PKHD1: variants seen among roughly 807,000 people sequenced by gnomAD.
The protein encoded by PKHD1 is PKHD1 ciliary IPT domain containing fibrocystin/polyductin.
A neutral mutation model predicts 412.0 loss-of-function variants in PKHD1; 291 were observed. The observed-to-expected ratio is 0.71, with a 90% CI of 0.64 to 0.78. The LOEUF (loss-of-function observed/expected upper bound fraction) is 0.78, where lower values mean the gene tolerates loss of function less well. Ranked by LOEUF, PKHD1 falls within the 30% of genes least tolerant of loss-of-function variation. The pLI, the probability that PKHD1 is intolerant of heterozygous loss-of-function variation, is 0.00. For synonymous variants in PKHD1, 1,777 were observed against 1,821.5 expected (o/e 0.98, Z 0.62); for missense variants, 4,825 against 4,950.7 (o/e 0.97, Z 0.76).
intron 65 of PKHD1, among the ~76,000 whole-genome samples, chr6:51,630,049 CA>C (rs1281736870): frequency 6.6e-6 from 1 of 152,046 alleles, no homozygotes; most frequent in Non-Finnish European, 1.5e-5. Context: ...AGAAGATCTT[CA>C]CGACTCCGTG....
chr6:51,885,382 C>T (rs1008271402), intron 45 of PKHD1, among the ~76,000 whole-genome samples: 1 of 152,054 alleles, frequency 6.6e-6, no homozygotes, highest in African/African-American at 2.4e-5. Flanking sequence ...ACGAACAGTG[C>T]TTTTTCTTAA....
In PKHD1 at chr6:52,053,082, C is replaced by G. The variant is rs144455663; in HGVS notation, c.2134G>C (p.Val712Leu). 1.4e-5 allele frequency: 22 copies of G among 1,613,762 alleles called. No individual in the cohort carries two copies. The African/African-American group carries it at 2.1e-4, about 16-fold the overall frequency. ...VDEIIIADTN[V>L]TVSQADSGTA... ...GAGAGAATTTGATGATTACCTGTTA[C>G]GTTTGTGTCTGCAATAATAATTTCA... is the stretch of plus-strand genomic sequence containing the variant. Residue 712 changes from valine to leucine, a missense_variant, in exon 21 of 67, where the codon GTA (valine) becomes CTA (leucine). Coordinates refer to ENST00000371117, the MANE Select transcript of PKHD1 (RefSeq NM_138694.4).
In PKHD1 at chr6:51,870,736, C is replaced by T. The variant is rs182159756; in HGVS notation, c.7351-97G>A. 1.3e-4 allele frequency: 130 copies of T among 970,204 alleles called. No homozygotes were observed. The Middle Eastern group carries it at 2.1e-3, about 16-fold the overall frequency. The allele number at this position is 970,204 out of a possible 1,614,324, so 60.1% of individuals were successfully genotyped here. On this transcript the variant is annotated intron_variant, in intron 46 of 66. Transcript: ENST00000371117. Reference sequence around the variant, plus strand: ...ATGAATAAAAACAAAGATAAAAAAGCGAGCTATTGACTAAGAGAAAATATT... The same window carrying T: ...ATGAATAAAAACAAAGATAAAAAAGTGAGCTATTGACTAAGAGAAAATATT...
rs573939387 is a variant in PKHD1, at chr6:51,932,487, C to T, written c.6121+1623G>A. ...CTGGACGATCTATGGGCTGGCTGAA[C>T]CACAAATATACACCAACTTATTCCC... On this transcript the variant is annotated intron_variant, in intron 37 of 66. Coordinates refer to ENST00000371117, the MANE Select transcript of PKHD1 (RefSeq NM_138694.4). 3.9e-4 allele frequency among the ~76,000 whole-genome samples: 60 copies of T among 152,298 alleles called. 1 individual carries two copies. The highest frequency in any genetic ancestry group is 1.3e-3 in the African/African-American group (55 of 41,572).
intron 66 of PKHD1, among the ~76,000 whole-genome samples, chr6:51,624,766 T>A (rs1033668297): frequency 1.3e-5 from 2 of 152,212 alleles, no homozygotes; most frequent in Admixed American, 6.5e-5. Flanking sequence ...CCAGTATCAC[T>A]AGGGCCATGT....
chr6:52,048,767 G>T, intron 22 of PKHD1, 148 bp from the exon 23 acceptor site: 1 of 801,898 alleles, frequency 1.2e-6, no homozygotes, highest in Non-Finnish European at 2.1e-6. Flanking sequence ...GGAGTTTTCA[G>T]GACCACTCGA....
chr6:52,022,812 A>G lies in PKHD1; in HGVS notation c.5369T>C (p.Leu1790Pro). ...GCATCTTTACTCACCATCCAGGGGCAGAACCAAGCAGCTGAAGGCAGACAC... is the reference window on the plus strand; with the variant it reads ...GCATCTTTACTCACCATCCAGGGGCGGAACCAAGCAGCTGAAGGCAGACAC... ...ATVSAFSCLVLPLDVSLAFLC... is the reference protein window; with the variant it reads ...ATVSAFSCLVPPLDVSLAFLC... The change falls in exon 33 of 67, where the codon CTG becomes CCG. Residue 1790 changes from leucine (L) to proline (P), a missense_variant. Leu to Pro is a moderately conservative substitution (Grantham distance 98, BLOSUM62 -3). Coordinates refer to ENST00000371117, the MANE Select transcript of PKHD1 (RefSeq NM_138694.4). The G allele has an allele frequency of 6.2e-7, 1 of 1,614,144 alleles. No homozygotes were observed. The highest frequency in any genetic ancestry group is 8.5e-7 in the Non-Finnish European group (1 of 1,180,020).
intron 60 of PKHD1, among the ~76,000 whole-genome samples, chr6:51,718,972 A>G (rs1342908394): frequency 1.3e-5 from 2 of 152,156 alleles, no homozygotes; most frequent in Non-Finnish European, 2.9e-5. Flanking sequence ...TTGATATTTC[A>G]TGGCTTTATT....
At chr6:51,731,447 C>CAG (rs1179580630) in intron 60 of PKHD1, among the ~76,000 whole-genome samples, 1 of 152,136 alleles carries the variant, frequency 6.6e-6, no homozygotes, top group Admixed American at 6.6e-5. Flanking sequence ...AATTCTCAGT[C>CAG]TCAGAAAATC....
intron 60 of PKHD1, among the ~76,000 whole-genome samples, chr6:51,730,165 C>T (rs1367984928): frequency 6.6e-6 from 1 of 152,056 alleles, no homozygotes; most frequent in African/African-American, 2.4e-5. Context: ...AGATGAGTTG[C>T]AAATTTATTT....
At chr6:51,983,259 A>G (rs1035242308) in intron 35 of PKHD1, among the ~76,000 whole-genome samples, 1 of 152,236 alleles carries the variant, frequency 6.6e-6, no homozygotes, top group Non-Finnish European at 1.5e-5. Context: ...TGCCTAGACT[A>G]CAAAAAATAA....
chr6:51,982,855 A>AAAAATAAAATAAAATAAAAT (rs376352534), intron 35 of PKHD1, among the ~76,000 whole-genome samples: 1 of 126,004 alleles, frequency 7.9e-6, no homozygotes, highest in African/African-American at 2.7e-5. Flanking sequence ...ATAAAAAAAT[A>AAAAATAAAATAAAATAAAAT]AAAATAAAAT....
intron 55 of PKHD1, among the ~76,000 whole-genome samples, chr6:51,765,106 C>T (rs1013511532): frequency 6.6e-6 from 1 of 152,070 alleles, no homozygotes; most frequent in Non-Finnish European, 1.5e-5. Context: ...CTCAGTCTTC[C>T]CAACTCAGTG....
intron 34 of PKHD1, among the ~76,000 whole-genome samples, chr6:52,011,156 G>A (rs1238146291): frequency 6.6e-6 from 1 of 152,168 alleles, no homozygotes; most frequent in Non-Finnish European, 1.5e-5. Flanking sequence ...AAGGGGAGAA[G>A]CCAGACTGGA....
At chr6:51,720,895 A>G (rs983093336) in intron 60 of PKHD1, 1 of 659,006 alleles carries the variant, frequency 1.5e-6, no homozygotes, top group African/African-American at 2.0e-5. Context: ...GGCATACAGT[A>G]AATGCCCAAT....
intron 46 of PKHD1, among the ~76,000 whole-genome samples, chr6:51,882,825 T>C (rs1452139516): frequency 6.6e-6 from 1 of 152,182 alleles, no homozygotes; most frequent in African/African-American, 2.4e-5. Flanking sequence ...GAGTAATAAT[T>C]CTAAATTGCA....
At position 51,755,501 on chromosome 6, in the gene PKHD1, T is replaced by C. The variant is rs189657808; in HGVS notation, c.8643-563A>G. ...GCTTCATATCCTCATCTGAAAAGGCTATATTTGTACTTTCTGTCTTCTCTT... is the reference window on the plus strand; with the variant it reads ...GCTTCATATCCTCATCTGAAAAGGCCATATTTGTACTTTCTGTCTTCTCTT... On this transcript the variant is annotated intron_variant, in intron 55 of 66. Transcript: ENST00000371117. Among the ~76,000 whole-genome samples, 55 of 152,290 alleles carry C rather than the reference T, an allele frequency of 3.6e-4. No homozygotes were observed. In the East Asian group the frequency reaches 6.2e-3, roughly 17 times the overall value.
At chr6:51,628,864 G>C (rs1767599361) in intron 65 of PKHD1, among the ~76,000 whole-genome samples, 1 of 152,136 alleles carries the variant, frequency 6.6e-6, no homozygotes, top group Non-Finnish European at 1.5e-5. Flanking sequence ...CAAAATAATA[G>C]AGACATAGAC....
chr6:52,075,126 A>C (rs1433511478), intron 6 of PKHD1, among the ~76,000 whole-genome samples: 1 of 152,310 alleles, frequency 6.6e-6, no homozygotes, highest in Non-Finnish European at 1.5e-5. Flanking sequence ...TCTTTCATAA[A>C]ATATCAGGTC....
Sources: gnomAD v4.1 joint callset for allele counts (sites outside exome capture counted in the v4.1 genomes callset) on GRCh38, gnomAD v4.1.1 for gene constraint, MANE v1.5 for transcripts, NCBI Gene and HGNC (gene_info 2026-07-23, HGNC 2026-07-21) for gene names.